PFKP: variants seen among roughly 807,000 people sequenced by gnomAD.
PFKP encodes ATP-dependent 6-phosphofructokinase, platelet type.
Under a neutral mutation model 94.3 loss-of-function variants are expected in PFKP, and 101 were observed. The observed-to-expected ratio is 1.07, with a 90% CI of 0.91 to 1.26. The LOEUF (loss-of-function observed/expected upper bound fraction) is 1.26, where lower values mean the gene tolerates loss of function less well. Among genes scored for constraint, PFKP ranks in the 50% most tolerant of loss-of-function variants. The probability of loss-of-function intolerance (pLI) is 0.00; values close to 1 mark genes in which losing one functional copy is unlikely to be tolerated. For missense variants in PFKP, 1,145 were observed against 1,103.3 expected, an observed-to-expected ratio of 1.04 and a Z score of -0.53; for synonymous variants, 573 against 432.6, an observed-to-expected ratio of 1.32 and a Z score of -4.03.
At chr10:3,122,006 G>C (rs964337577) in intron 16 of PFKP, among the ~76,000 whole-genome samples, 36 of 151,834 alleles carry the variant, frequency 2.4e-4, no homozygotes, top group Middle Eastern at 3.4e-3. Context: ...TATTTCCATA[G>C]AGACGGGGTC....
At chr10:3,082,144 C>T (rs1023957137) in intron 1 of PFKP, among the ~76,000 whole-genome samples, 5 of 152,026 alleles carry the variant, frequency 3.3e-5, no homozygotes, top group African/African-American at 7.3e-5. Flanking sequence ...CCTACAAATT[C>T]GTACCAAGTC....
Position 3,103,867 on chromosome 10 carries a change from C to T in PFKP, c.543C>T (p.Thr181=), listed in dbSNP as rs144894621. The T allele has an allele frequency of 1.0e-4, 163 of 1,614,006 alleles. No homozygotes were observed. The African/African-American group carries it at 1.9e-3, about 18-fold the overall frequency. The change falls in exon 5 of 22, where the codon ACC becomes ACT. Residue 181 remains threonine, a synonymous_variant. Coordinates refer to ENST00000381125, the MANE Select transcript of PFKP (RefSeq NM_002627.5). ...VGSIDNDFCG[T]DMTIGTDSAL... ...CCATCGACAATGATTTCTGCGGCAC[C>T]GACATGACCATCGGCACGGACTCCG...
intron 4 of PFKP, among the ~76,000 whole-genome samples, chr10:3,101,758 A>G (rs1835016707): frequency 6.6e-6 from 1 of 152,010 alleles, no homozygotes; most frequent in South Asian, 2.1e-4. Context: ...TGTGCCAGGC[A>G]CCCTTCGACC....
At chr10:3,080,413 A>T (rs2131410643) in intron 1 of PFKP, among the ~76,000 whole-genome samples, 1 of 147,688 alleles carries the variant, frequency 6.8e-6, no homozygotes, top group African/African-American at 2.5e-5. Context: ...GCTGCTCAGG[A>T]GGCTGAGGCA....
chr10:3,092,877 G>A (rs571468168), intron 2 of PFKP, among the ~76,000 whole-genome samples: 1 of 152,160 alleles, frequency 6.6e-6, no homozygotes, highest in African/African-American at 2.4e-5. Flanking sequence ...GGAAAGGGGT[G>A]TGGGGGACCT....
At chr10:3,084,713 AGG>A (rs1833358446) in intron 2 of PFKP, among the ~76,000 whole-genome samples, 1 of 67,462 alleles carries the variant, frequency 1.5e-5, no homozygotes, top group Non-Finnish European at 3.7e-5. Flanking sequence ...GCCCCTCCCC[AGG>A]AGAGTCCTCC....
intron 2 of PFKP, among the ~76,000 whole-genome samples, chr10:3,092,567 C>T (rs1236130744): frequency 6.6e-6 from 1 of 152,020 alleles, no homozygotes; most frequent in African/African-American, 2.4e-5. Context: ...TAAAAATACC[C>T]AGGGTGACAG....
intron 1 of PFKP, among the ~76,000 whole-genome samples, chr10:3,070,738 T>C (rs1182929175): frequency 1.3e-5 from 2 of 152,118 alleles, no homozygotes; most frequent in Non-Finnish European, 2.9e-5. Flanking sequence ...TACTCTCCCG[T>C]AGACCACGAA....
At chr10:3,124,019 C>A (rs1837683504) in intron 16 of PFKP, among the ~76,000 whole-genome samples, 2 of 151,712 alleles carry the variant, frequency 1.3e-5, no homozygotes, top group East Asian at 2.0e-4. Context: ...GCCCCACCCT[C>A]CTATCCACCG....
chr10:3,125,219 C>A, intron 16 of PFKP: 1 of 1,344,494 alleles, frequency 7.4e-7, no homozygotes, highest in African/African-American at 1.5e-5. Flanking sequence ...TAAGCCTGGG[C>A]TCCGACACTG....
intron 13 of PFKP, among the ~76,000 whole-genome samples, chr10:3,114,367 C>G (rs531448937): frequency 6.6e-6 from 1 of 152,168 alleles, no homozygotes; most frequent in Non-Finnish European, 1.5e-5. Context: ...CCAGGCTGGT[C>G]TTGACCTCCT....
chr10:3,102,132 T>C (rs1835064139), intron 4 of PFKP, among the ~76,000 whole-genome samples: 1 of 147,528 alleles, frequency 6.8e-6, no homozygotes, highest in Admixed American at 6.8e-5. Context: ...GCGCCTGTAG[T>C]CCCAGCTACT....
intron 2 of PFKP, among the ~76,000 whole-genome samples, chr10:3,089,195 A>C (rs550492099): frequency 6.6e-6 from 1 of 152,168 alleles, no homozygotes; most frequent in African/African-American, 2.4e-5. Flanking sequence ...GGGCCTCCCA[A>C]AGTGCCGGGA....
At chr10:3,116,867 C>T in intron 14 of PFKP, 21 bp downstream of exon 14, 1 of 1,537,166 alleles carries the variant, frequency 6.5e-7, no homozygotes, top group African/African-American at 1.4e-5. Flanking sequence ...AATCTCAACT[C>T]TATGACCTGC....
intron 1 of PFKP, among the ~76,000 whole-genome samples, chr10:3,081,977 CTTTTTTTTTTTTTTT>C (rs547880338): frequency 6.7e-4 from 46 of 68,434 alleles, no homozygotes; most frequent in African/African-American, 1.4e-3. Context: ...AGCCCATTGC[CTTTTTTTTTTTTTTT>C]TTTTTTTTTT....
chr10:3,125,357 T>A (rs1198127839), intron 16 of PFKP: 1 of 872,100 alleles, frequency 1.1e-6, no homozygotes, highest in Non-Finnish European at 1.5e-6. Context: ...TTCTCCCCTT[T>A]GTTAGCTTGG....
In PFKP at chr10:3,116,815, G is replaced by A. The variant is rs762732433; in HGVS notation, c.1411G>A (p.Gly471Ser). The change falls in exon 14 of 22, where the codon GGC (glycine) becomes AGC (serine). Residue 471 changes from glycine (G) to serine (S), a missense_variant. Gly to Ser is a moderately conservative substitution (Grantham distance 56). Around this residue, in one of 3 missense-constraint regions of PFKP, gnomAD observed 1,119 missense variants for 1,062.8 expected, o/e 1.05. Coordinates refer to ENST00000381125, the MANE Select transcript of PFKP (RefSeq NM_002627.5). ...IGWTDVGGWT[G>S]QGGSILGTKR... is the part of the protein sequence containing the mutation. ...CTGGACAGATGTCGGGGGCTGGACC[G>A]GCCAAGGAGGCTCCATTCTTGGGAC... The A allele has an allele frequency of 4.3e-6, 7 of 1,613,330 alleles. No individual in the cohort carries two copies. Among genetic ancestry groups the A allele is most frequent in the South Asian group, 2.2e-5 (2 of 91,060 alleles).
At chr10:3,101,069 T>C in intron 3 of PFKP, 1 of 1,241,946 alleles carries the variant, frequency 8.1e-7, no homozygotes, top group Non-Finnish European at 1.2e-6. Flanking sequence ...AGGCGGCTGC[T>C]GTGACACCGC....
chr10:3,102,028 G>C (rs1289668291), intron 4 of PFKP, among the ~76,000 whole-genome samples: 2 of 150,522 alleles, frequency 1.3e-5, no homozygotes, highest in African/African-American at 4.9e-5. Flanking sequence ...GAGGCGGGCG[G>C]ATCACGAGGT....
Sources: gnomAD v4.1 joint callset for allele counts (sites outside exome capture counted in the v4.1 genomes callset) on GRCh38, gnomAD v4.1.1 for gene constraint, gnomAD v4.1.1 regional missense constraint, MANE v1.5 for transcripts, NCBI Gene and HGNC (gene_info 2026-07-23, HGNC 2026-07-21) for gene names.